The following RBFOX1 variants were observed in gnomAD, a reference collection of about 807,000 sequenced individuals.
RBFOX1 encodes RNA binding fox-1 homolog 1, also known as RNA binding protein fox-1 homolog 1.
RBFOX1 carries 8 observed loss-of-function variants against 57.7 expected under a neutral mutation model. The observed-to-expected ratio is 0.14, with a 90% CI of 0.08 to 0.25. RBFOX1 has a LOEUF of 0.25. RBFOX1 is among the 10% of genes least tolerant of loss of function. The pLI is 1.00. For synonymous variants in RBFOX1, 326 were observed against 222.4 expected, an observed-to-expected ratio of 1.47 and a Z score of -4.15; for missense variants, 611 against 548.5, an observed-to-expected ratio of 1.11 and a Z score of -1.14.
intron 4 of RBFOX1, among the ~76,000 whole-genome samples, chr16:7,163,921 A>T (rs1308556839): frequency 1.3e-5 from 2 of 152,118 alleles, no homozygotes; most frequent in Non-Finnish European, 2.9e-5. Flanking sequence ...CAGCCTCCCA[A>T]AGTACTGGGA....
At chr16:7,327,420 A>G (rs2096625342) in intron 4 of RBFOX1, among the ~76,000 whole-genome samples, 1 of 152,240 alleles carries the variant, frequency 6.6e-6, no homozygotes, top group South Asian at 2.1e-4. Context: ...ATTTTCCATT[A>G]CCCACTTTTG....
At chr16:6,332,093 T>C (rs991093857) in intron 2 of RBFOX1, among the ~76,000 whole-genome samples, 1 of 152,110 alleles carries the variant, frequency 6.6e-6, no homozygotes, top group Non-Finnish European at 1.5e-5. Flanking sequence ...TTAGTTTAGT[T>C]AGATGTAAAT....
At chr16:7,679,297 T>G (rs777479482) in intron 14 of RBFOX1, among the ~76,000 whole-genome samples, 2 of 152,352 alleles carry the variant, frequency 1.3e-5, no homozygotes, top group Middle Eastern at 6.8e-3. Context: ...CAAGTACCTA[T>G]AATTTCTCTC....
intron 3 of RBFOX1, among the ~76,000 whole-genome samples, chr16:6,691,532 G>A (rs1261354500): frequency 1.3e-5 from 2 of 152,064 alleles, no homozygotes; most frequent in Non-Finnish European, 2.9e-5. Context: ...CGTTTCGCAG[G>A]TTTCCCGTTA....
At chr16:7,495,288 G>C (rs1034658328) in intron 4 of RBFOX1, among the ~76,000 whole-genome samples, 7 of 152,164 alleles carry the variant, frequency 4.6e-5, no homozygotes, top group Non-Finnish European at 8.8e-5. Flanking sequence ...TACTTGTGCA[G>C]GTGTCTTTCT....
chr16:6,122,430 T>C (rs1567508048), intron 1 of RBFOX1, among the ~76,000 whole-genome samples: 1 of 152,010 alleles, frequency 6.6e-6, no homozygotes, highest in Non-Finnish European at 1.5e-5. Context: ...CTGGGAATTC[T>C]TGAATGAACA....
In RBFOX1 at chr16:6,191,494, C is replaced by T. The variant is rs1319588566; in HGVS notation, c.-126-125501C>T. On this transcript the variant is annotated intron_variant, in intron 1 of 15. Transcript: ENST00000550418. ...ATCATGATAAGTGATGTTTACCATG[C>T]CCCACTTTACAACTGCCGTGTATCT... Among the ~76,000 whole-genome samples, 5 of 152,064 alleles carry T rather than the reference C, an allele frequency of 3.3e-5. 1 individual carries two copies. The highest frequency in any genetic ancestry group is 3.3e-4 in the Admixed American group (5 of 15,274).
At chr16:7,122,296 T>C (rs978973717) in intron 4 of RBFOX1, among the ~76,000 whole-genome samples, 1 of 152,022 alleles carries the variant, frequency 6.6e-6, no homozygotes, top group African/African-American at 2.4e-5. Context: ...TCTCAAAACA[T>C]AAAAGTAAGA....
chr16:5,942,942 A>T (rs1834038), intron 4 of RBFOX1, among the ~76,000 whole-genome samples: 1 of 151,966 alleles, frequency 6.6e-6, no homozygotes, highest in Non-Finnish European at 1.5e-5. Context: ...CTGAGCCTAC[A>T]CTGTCTCGGG....
At position 6,356,828 on chromosome 16, in the gene RBFOX1, G is replaced by A. The variant is rs537568625; in HGVS notation, c.-64+39771G>A. ...CAAATGTCCCCTTCCAATCAAAGAT[G>A]TTAATACTAGGGAAAGTGAGTGTGG... On this transcript the variant is annotated intron_variant, in intron 2 of 15. Transcript: ENST00000550418. Among the ~76,000 whole-genome samples the A allele has an allele frequency of 1.1e-4, 16 of 152,330 alleles. 1 individual carries two copies. The South Asian group carries it at 2.1e-3, about 20-fold the overall frequency.
At chr16:5,895,619 G>A (rs2058145276) in intron 4 of RBFOX1, among the ~76,000 whole-genome samples, 1 of 152,174 alleles carries the variant, frequency 6.6e-6, no homozygotes, top group Admixed American at 6.5e-5. Flanking sequence ...ACAAAAGCTG[G>A]TTTACATTTC....
Position 7,400,022 on chromosome 16 carries a change from G to C in RBFOX1, c.28-118125G>C, listed in dbSNP as rs368216839. Among the ~76,000 whole-genome samples the C allele has an allele frequency of 2.9e-4, 44 of 152,256 alleles. 1 individual carries two copies. The East Asian group carries it at 4.1e-3, about 14-fold the overall frequency. ...TTTATCTTAACAATTATATGAGGTA[G>C]GGATTATGGCCTTCTCTGATTTATT... On this transcript the variant is annotated intron_variant, in intron 4 of 15. Transcript: ENST00000550418.
At chr16:5,647,149 C>T (rs1424837530) in intron 3 of RBFOX1, among the ~76,000 whole-genome samples, 1 of 152,144 alleles carries the variant, frequency 6.6e-6, no homozygotes, top group Non-Finnish European at 1.5e-5. Flanking sequence ...AAAATCCTGC[C>T]TCAAGGTGGA....
intron 4 of RBFOX1, among the ~76,000 whole-genome samples, chr16:7,134,985 T>C (rs2071526773): frequency 6.6e-6 from 1 of 151,980 alleles, no homozygotes; most frequent in Non-Finnish European, 1.5e-5. Context: ...AATTATCCAA[T>C]CTTTGCAAAG....
At chr16:7,562,965 T>C (rs1208953899) in intron 5 of RBFOX1, among the ~76,000 whole-genome samples, 6 of 152,168 alleles carry the variant, frequency 3.9e-5, no homozygotes, top group Non-Finnish European at 7.4e-5. Flanking sequence ...GCATCTTCTT[T>C]AGATGCCATT....
intron 8 of RBFOX1, among the ~76,000 whole-genome samples, chr16:7,596,995 G>A (rs1373783125): frequency 6.6e-6 from 1 of 151,900 alleles, no homozygotes; most frequent in African/African-American, 2.4e-5. Context: ...CTTCTCCACT[G>A]CATGCTCCTT....
At chr16:5,521,644 G>A (rs1181592665) in intron 2 of RBFOX1, among the ~76,000 whole-genome samples, 1 of 145,928 alleles carries the variant, frequency 6.9e-6, no homozygotes, top group Non-Finnish European at 1.5e-5. Flanking sequence ...TCATGGACAA[G>A]AAACTTGCCT....
At chr16:6,757,984 T>A (rs2076063829) in intron 3 of RBFOX1, among the ~76,000 whole-genome samples, 1 of 152,168 alleles carries the variant, frequency 6.6e-6, no homozygotes, top group Non-Finnish European at 1.5e-5. Context: ...TTGGTTGTTT[T>A]TAATGCGGCA....
At chr16:7,201,091 T>G (rs565346958) in intron 4 of RBFOX1, among the ~76,000 whole-genome samples, 59 of 152,302 alleles carry the variant, frequency 3.9e-4, no homozygotes, top group Non-Finnish European at 6.9e-4. Context: ...AATTTATTTC[T>G]GAATGTAAAA....
Sources: allele counts gnomAD v4.1 joint callset (sites outside exome capture counted in the v4.1 genomes callset), GRCh38; gene constraint gnomAD v4.1.1; transcripts MANE v1.5; gene names NCBI Gene and HGNC (gene_info 2026-07-23, HGNC 2026-07-21).